Variants in MYH3 observed in about 807,000 individuals in gnomAD.
MYH3 encodes myosin heavy chain 3, also known as myosin-3.
MYH3 carries 130 observed loss-of-function variants against 238.0 expected under a neutral mutation model. The ratio of observed to expected loss-of-function variants is 0.55; its 90% CI spans 0.47 to 0.63. The LOEUF (loss-of-function observed/expected upper bound fraction) is 0.63, where lower values mean the gene tolerates loss of function less well. Among genes scored for constraint, MYH3 ranks in the 30% least tolerant of loss-of-function variants. The probability of loss-of-function intolerance (pLI) is 0.00; values close to 1 mark genes in which losing one functional copy is unlikely to be tolerated. For synonymous variants in MYH3, 880 were observed against 924.1 expected, an observed-to-expected ratio of 0.95 and a Z score of 0.86; for missense variants, 1,853 against 2,374.9, an observed-to-expected ratio of 0.78 and a Z score of 4.57.
the MYH3 span, among the ~76,000 whole-genome samples, chr17:10,662,356 A>C: frequency 0.012 from 1,853 of 152,280 alleles, 37 homozygotes; most frequent in African/African-American, 0.042. Context: ...TCAAGCATTT[A>C]GGTAAGTACA....
chr17:10,649,804 C>A (rs1227019542), intron 6 of MYH3, 119 bp from the exon 7 acceptor site: 1 of 901,826 alleles, frequency 1.1e-6, no homozygotes, highest in African/African-American at 1.6e-5. Context: ...ACACTCACCA[C>A]ACTAATGTGA....
intron 4 of MYH3, chr17:10,652,060 G>A: frequency 2.6e-6 from 1 of 391,552 alleles, no homozygotes; most frequent in Non-Finnish European, 4.8e-6. Flanking sequence ...ATTATCTCAT[G>A]TTTCTTTGGG....
chr17:10,671,013 CCT>C, the MYH3 span, among the ~76,000 whole-genome samples: 1 of 152,030 alleles, frequency 6.6e-6, no homozygotes, highest in African/African-American at 2.4e-5. Context: ...CCTCAGCCTC[CCT>C]GAGTAGCTGG....
In MYH3 at chr17:10,639,151, T is replaced by G; in HGVS notation, c.3141A>C (p.Val1047=). 6.2e-7 allele frequency: 1 copy of G among 1,614,170 alleles called. No homozygotes were observed. The highest frequency in any genetic ancestry group is 8.5e-7 in the Non-Finnish European group (1 of 1,179,974). Residue 1047 remains valine, a synonymous_variant, in exon 25 of 41, where the codon GTA becomes GTC. Coordinates refer to ENST00000583535, the MANE Select transcript of MYH3 (RefSeq NM_002470.4). ...ATTTCCTTTTGTTCCTTTCCAGGTCTACTCGGAGCTTCTTTTCTTGTTCTA... is the reference window on the plus strand; with the variant it reads ...ATTTCCTTTTGTTCCTTTCCAGGTCGACTCGGAGCTTCTTTTCTTGTTCTA... ...SSLEQEKKLR[V]DLERNKRKLE...
At chr17:10,629,080 T>C (rs955903155) in intron 40 of MYH3, among the ~76,000 whole-genome samples, 1 of 152,156 alleles carries the variant, frequency 6.6e-6, no homozygotes, top group African/African-American at 2.4e-5. Flanking sequence ...TACATAGGTA[T>C]ACATGTGCCA....
chr17:10,650,717 T>C (rs1244321715), intron 5 of MYH3, among the ~76,000 whole-genome samples: 3 of 152,242 alleles, frequency 2.0e-5, no homozygotes, highest in African/African-American at 4.8e-5. Flanking sequence ...GAGAAAACAT[T>C]TAAAATATAC....
In MYH3 at chr17:10,640,360, A is replaced by G; in HGVS notation, c.2399T>C (p.Val800Ala). ...QAVCRGFLMR[V>A]EFQKMVQRRE... Reference sequence around the variant, plus strand: ...CCTCTGCACCATCTTCTGGAATTCCACACGCATGAGGAACCCTCTGCACAC... The same window carrying G: ...CCTCTGCACCATCTTCTGGAATTCCGCACGCATGAGGAACCCTCTGCACAC... Residue 800 changes from valine to alanine, a missense_variant, in exon 21 of 41, where the codon GTG becomes GCG. Val to Ala is a moderately conservative substitution (Grantham distance 64). Coordinates refer to ENST00000583535, the MANE Select transcript of MYH3 (RefSeq NM_002470.4). The G allele has an allele frequency of 3.7e-6, 6 of 1,614,222 alleles. No homozygotes were observed. The highest frequency in any genetic ancestry group is 5.1e-6 in the Non-Finnish European group (6 of 1,180,054).
At chr17:10,673,370 A>T in the MYH3 span, 47 of 152,344 alleles carry the variant, frequency 3.1e-4, no homozygotes, top group African/African-American at 1.1e-3. Context: ...TCAATCAGTG[A>T]ATGACTGTCT....
chr17:10,636,697 C>G (rs373296809), intron 28 of MYH3, among the ~76,000 whole-genome samples: 1 of 152,052 alleles, frequency 6.6e-6, no homozygotes, highest in Non-Finnish European at 1.5e-5. Flanking sequence ...AGGCGGATCA[C>G]GAGGTCAGGA....
At chr17:10,649,800 A>T (rs1339225188) in intron 6 of MYH3, 115 bp from the exon 7 acceptor site, 1 of 922,708 alleles carries the variant, frequency 1.1e-6, no homozygotes, top group East Asian at 2.5e-5. Flanking sequence ...ACACACACTC[A>T]CCACACTAAT....
chr17:10,632,761 G>A lies in MYH3; in HGVS notation c.4671C>T (p.Ala1557=), dbSNP rs1340256224. 6.2e-7 allele frequency: 1 copy of A among 1,614,152 alleles called. No individual in the cohort carries two copies. Among genetic ancestry groups the A allele is most frequent in the Admixed American group, 1.7e-5 (1 of 60,018 alleles). ...ATTCAAGCTGGATTCGGAGGATCTT[G>A]GCTTCTTCATGCTCAAGAGCAGCCT... ...EAEAALEHEE[A]KILRIQLELT... The change falls in exon 34 of 41, where the codon GCC becomes GCT. Residue 1557 remains alanine (A), a synonymous_variant. Transcript: ENST00000583535.
the MYH3 span, among the ~76,000 whole-genome samples, chr17:10,665,378 A>G: frequency 6.6e-6 from 1 of 152,068 alleles, no homozygotes. Flanking sequence ...CCTAACCTCC[A>G]GTAGTCCGCC....
intron 17 of MYH3, 100 bp from the exon 18 acceptor site, chr17:10,641,472 TAAGTTCTA>T: frequency 2.2e-6 from 2 of 904,334 alleles, no homozygotes; most frequent in Non-Finnish European, 3.5e-6. Context: ...AAATTTATCA[TAAGTTCTA>T]AAGTATAGTG....
upstream of MYH3, among the ~76,000 whole-genome samples, chr17:10,657,636 G>A (rs934040319): frequency 6.6e-6 from 1 of 151,922 alleles, no homozygotes; most frequent in African/African-American, 2.4e-5. Flanking sequence ...ATCACACCCT[G>A]AACGCGGCGT....
At chr17:10,666,640 C>T in the MYH3 span, among the ~76,000 whole-genome samples, 17 of 151,212 alleles carry the variant, frequency 1.1e-4, no homozygotes, top group Non-Finnish European at 2.1e-4. Flanking sequence ...CCTGCAGTCT[C>T]AGTCTCAGCT....
chr17:10,656,537 CAAAAAAAAAAAAAAAA>C (rs71139057), intron 1 of MYH3, among the ~76,000 whole-genome samples: 1,139 of 55,936 alleles, frequency 0.02, 38 homozygotes, highest in African/African-American at 0.052. Flanking sequence ...AATTCTGTCT[CAAAAAAAAAAAAAAAA>C]AAAAAAAAGA....
In MYH3 at chr17:10,639,126, AT is replaced by A; in HGVS notation, c.3165del (p.Lys1055AsnfsTer6). 6.2e-7 allele frequency: 1 copy of A among 1,613,986 alleles called. No individual in the cohort carries two copies. The highest frequency in any genetic ancestry group is 8.5e-7 in the Non-Finnish European group (1 of 1,179,926). On this transcript the variant is annotated frameshift_variant, in exon 25 of 41. Transcript: ENST00000583535. LOFTEE classifies it high-confidence loss of function. ...LRVDLERNKR[K>X]LEGDLKLAQE... ...TGAGCAAGCTTCAAGTCTCCTTCCA[AT>A]TTCCTTTTGTTCCTTTCCAGGTCTA...
the MYH3 span, chr17:10,675,282 T>C: frequency 6.6e-6 from 1 of 152,616 alleles, no homozygotes; most frequent in African/African-American, 2.4e-5. Flanking sequence ...GCTGACACTT[T>C]CTCCACGCTG....
chr17:10,645,980 C>A lies in MYH3; in HGVS notation c.951G>T (p.Gly317=). 1.2e-6 allele frequency: 2 copies of A among 1,614,014 alleles called. No individual in the cohort carries two copies. The highest frequency in any genetic ancestry group is 1.7e-6 in the Non-Finnish European group (2 of 1,179,996). The part of the protein sequence containing the change: ...NPYDYPFISQ[G]EILVASIDDA... ...CATCTATGCTGGCCACCAGGATCTCCCCCTGGCTAATGAACGGGTAGTCGT... is the reference window on the plus strand; with the variant it reads ...CATCTATGCTGGCCACCAGGATCTCACCCTGGCTAATGAACGGGTAGTCGT... Residue 317 remains glycine, a synonymous_variant, in exon 11 of 41, where the codon GGG becomes GGT. Coordinates refer to ENST00000583535, the MANE Select transcript of MYH3 (RefSeq NM_002470.4).
Sources: allele counts gnomAD v4.1 joint callset (sites outside exome capture counted in the v4.1 genomes callset), GRCh38; gene constraint gnomAD v4.1.1; transcripts MANE v1.5; gene names NCBI Gene and HGNC (gene_info 2026-07-23, HGNC 2026-07-21).